Variants in BANK1 observed in about 807,000 individuals in gnomAD.
BANK1 encodes B cell scaffold protein with ankyrin repeats 1, also known as B-cell scaffold protein with ankyrin repeats.
A neutral mutation model predicts 94.5 loss-of-function variants in BANK1; 95 were observed. The ratio of observed to expected loss-of-function variants is 1.00; its 90% confidence interval spans 0.85 to 1.19. The LOEUF is 1.19. Ranked by LOEUF, BANK1 falls within the 50% of genes most tolerant of loss-of-function variation. The probability of loss-of-function intolerance (pLI) is 0.00; values close to 1 mark genes in which losing one functional copy is unlikely to be tolerated. For missense variants in BANK1, 987 were observed against 932.2 expected (o/e 1.06, Z -0.77); for synonymous variants, 334 against 308.4 (o/e 1.08, Z -0.87).
chr4:101,839,858 AACTAAG>A (rs1726963179), intron 2 of BANK1, among the ~76,000 whole-genome samples: 1 of 148,614 alleles, frequency 6.7e-6, no homozygotes, highest in South Asian at 2.2e-4. Flanking sequence ...GCTTTTTAGA[AACTAAG>A]ACAAAGGAGA....
intron 2 of BANK1, among the ~76,000 whole-genome samples, chr4:101,850,464 G>A (rs1424848375): frequency 6.6e-6 from 1 of 150,712 alleles, no homozygotes; most frequent in East Asian, 1.9e-4. Context: ...GTATTTTTTG[G>A]TAGGGACGGG....
Position 101,870,495 on chromosome 4 carries a change from T to C in BANK1, c.764-10T>C, listed in dbSNP as rs1219826278. On this transcript the variant is annotated splice_polypyrimidine_tract_variant and intron_variant, in intron 4 of 16. Transcript: ENST00000322953. Reference sequence around the variant, plus strand: ...TACTCTGCCCCTAACCCTTGTTTGTTTTTCATAAGAGTTTCCTGCTGGTTC... The same window carrying C: ...TACTCTGCCCCTAACCCTTGTTTGTCTTTCATAAGAGTTTCCTGCTGGTTC... The C allele has an allele frequency of 2.5e-6, 4 of 1,608,508 alleles. No homozygotes were observed. In the African/African-American group the frequency reaches 4.0e-5, roughly 16 times the overall value.
At chr4:101,834,821 G>A (rs1480980732) in intron 2 of BANK1, among the ~76,000 whole-genome samples, 4 of 152,074 alleles carry the variant, frequency 2.6e-5, no homozygotes, top group African/African-American at 9.7e-5. Flanking sequence ...ATAATTAAAT[G>A]TTCTAATATA....
chr4:101,886,025 C>T (rs1449244927), intron 5 of BANK1, among the ~76,000 whole-genome samples: 1 of 152,122 alleles, frequency 6.6e-6, no homozygotes, highest in African/African-American at 2.4e-5. Context: ...AAAAGTGCAT[C>T]CATAGGCAGC....
chr4:101,997,555 T>C (rs568867003), intron 7 of BANK1, among the ~76,000 whole-genome samples: 51 of 150,580 alleles, frequency 3.4e-4, no homozygotes, highest in Admixed American at 6.0e-4. Context: ...GGTACTAGGC[T>C]TTTTTTTTAT....
rs191374866 is a variant in BANK1 at position 102,011,482 on chromosome 4, C to A, written c.1207-10032C>A. On this transcript the variant is annotated intron_variant, in intron 7 of 16. Transcript: ENST00000322953. ...GTCAGATGAGGCTCATTGTGCAGTA[C>A]TGATAGAATATGAATAGCAACACCC... Among the ~76,000 whole-genome samples, 6 of 152,244 alleles carry A rather than the reference C, an allele frequency of 3.9e-5. No homozygotes were observed. In the East Asian group the frequency reaches 1.2e-3, roughly 29 times the overall value.
intron 11 of BANK1, among the ~76,000 whole-genome samples, chr4:102,047,855 G>A (rs1182351683): frequency 6.6e-6 from 1 of 151,876 alleles, no homozygotes; most frequent in Non-Finnish European, 1.5e-5. Flanking sequence ...TATCTGTTAA[G>A]CTTAGAAGAG....
chr4:101,922,335 A>G (rs1408122674), intron 7 of BANK1, among the ~76,000 whole-genome samples: 2 of 151,720 alleles, frequency 1.3e-5, no homozygotes, highest in African/African-American at 2.4e-5. Context: ...AGATTGTTCC[A>G]TTTAATTCAG....
chr4:101,998,981 A>G (rs556131287), intron 7 of BANK1, among the ~76,000 whole-genome samples: 1 of 152,272 alleles, frequency 6.6e-6, no homozygotes, highest in African/African-American at 2.4e-5. Context: ...AAGAACATAG[A>G]ATATTTTGAA....
chr4:101,835,576 G>C lies in BANK1; in HGVS notation c.469+5370G>C, dbSNP rs193187628. Among the ~76,000 whole-genome samples, 37 of 152,284 alleles carry C rather than the reference G, an allele frequency of 2.4e-4. No individual in the cohort carries two copies. In the East Asian group the frequency reaches 7.1e-3, roughly 29 times the overall value. On this transcript the variant is annotated intron_variant, in intron 2 of 16. Coordinates refer to ENST00000322953, the MANE Select transcript of BANK1 (RefSeq NM_017935.5). ...TTTTAAAAGAAGGACAAAATGAATA[G>C]TAATGTAACAGTAGAATTATTGGAA...
chr4:101,885,162 C>T (rs562789815), intron 5 of BANK1, among the ~76,000 whole-genome samples: 1 of 152,338 alleles, frequency 6.6e-6, no homozygotes, highest in South Asian at 2.1e-4. Flanking sequence ...GGTGATCCAC[C>T]GACCTCGGCT....
intron 10 of BANK1, chr4:102,032,157 TATA>T (rs1206439001): frequency 2.7e-4 from 41 of 152,220 alleles, no homozygotes; most frequent in African/African-American, 9.6e-4. Flanking sequence ...AGAAAGTGGA[TATA>T]GCTTGATACA....
chr4:101,948,352 T>G (rs556744587), intron 7 of BANK1, among the ~76,000 whole-genome samples: 1 of 152,224 alleles, frequency 6.6e-6, no homozygotes, highest in African/African-American at 2.4e-5. Flanking sequence ...AAATTTCCTG[T>G]GAATTAGAAC....
At chr4:101,972,034 T>C (rs1219551185) in intron 7 of BANK1, among the ~76,000 whole-genome samples, 1 of 152,134 alleles carries the variant, frequency 6.6e-6, no homozygotes. Flanking sequence ...GACAATAATT[T>C]TGATAGGAAT....
intron 4 of BANK1, among the ~76,000 whole-genome samples, chr4:101,870,263 A>G (rs1291170203): frequency 6.6e-6 from 1 of 151,980 alleles, no homozygotes; most frequent in Non-Finnish European, 1.5e-5. Context: ...TTAGTGCTTT[A>G]CTTTTATTGT....
At chr4:101,878,649 A>T (rs1303914282) in intron 5 of BANK1, among the ~76,000 whole-genome samples, 1 of 152,194 alleles carries the variant, frequency 6.6e-6, no homozygotes, top group Non-Finnish European at 1.5e-5. Context: ...GCTGTAGAAT[A>T]CACATTCTTT....
intron 7 of BANK1, among the ~76,000 whole-genome samples, chr4:101,984,480 C>T (rs932614839): frequency 3.3e-5 from 5 of 151,952 alleles, no homozygotes; most frequent in African/African-American, 1.2e-4. Flanking sequence ...TCTCATTTAC[C>T]ATTGACCTCT....
intron 7 of BANK1, among the ~76,000 whole-genome samples, chr4:101,942,554 A>T (rs1723789781): frequency 1.3e-5 from 2 of 151,902 alleles, no homozygotes; most frequent in Non-Finnish European, 2.9e-5. Flanking sequence ...GAATTCTGAA[A>T]TTGTGTTACA....
rs759110466 is a variant in BANK1 at position 102,021,515 on chromosome 4, T to A, written c.1208T>A (p.Ile403Asn). The change falls in exon 8 of 17, where the codon ATC becomes AAC. Residue 403 changes from isoleucine (I) to asparagine (N), a missense_variant and splice_region_variant. Ile to Asn is a moderately radical substitution (Grantham distance 149). Coordinates refer to ENST00000322953, the MANE Select transcript of BANK1 (RefSeq NM_017935.5). ...ELKKIFEDFS[I>N]QEIDINNEQE... ...TATTAAAAATTACATTTTTTTCAGA[T>A]CCAAGAAATTGACATAAATAATGAG... 3 of 1,407,274 alleles carry A rather than the reference T, an allele frequency of 2.1e-6. No homozygotes were observed. In the East Asian group the frequency reaches 7.4e-5, roughly 35 times the overall value. 87.2% of individuals were successfully genotyped at this position (1,407,274 alleles called of 1,614,324 possible).
Sources: allele counts gnomAD v4.1 joint callset (sites outside exome capture counted in the v4.1 genomes callset), GRCh38; gene constraint gnomAD v4.1.1; transcripts MANE v1.5; gene names NCBI Gene and HGNC (gene_info 2026-07-23, HGNC 2026-07-21).